ZNF618: variants seen among roughly 807,000 people sequenced by gnomAD.
The protein encoded by ZNF618 is zinc finger protein 618.
Under a neutral mutation model 103.0 loss-of-function variants are expected in ZNF618, and 34 were observed. That is an observed-to-expected ratio of 0.33 (90% CI 0.25 to 0.44). ZNF618 has a LOEUF of 0.44. Among genes scored for constraint, ZNF618 ranks in the 20% least tolerant of loss-of-function variants. The probability of loss-of-function intolerance (pLI) is 1.00; values close to 1 mark genes in which losing one functional copy is unlikely to be tolerated. For synonymous variants in ZNF618, 551 were observed against 542.2 expected (o/e 1.02, Z -0.23); for missense variants, 1,059 against 1,295.4 (o/e 0.82, Z 2.80).
At chr9:113,967,557 C>T (rs1237939676) in intron 1 of ZNF618, among the ~76,000 whole-genome samples, 1 of 152,160 alleles carries the variant, frequency 6.6e-6, no homozygotes, top group African/African-American at 2.4e-5. Context: ...TGCTCCAGAA[C>T]TGAGGATGTT....
In ZNF618 at chr9:113,951,230, T is replaced by C. The variant is rs1835537502; in HGVS notation, c.34-17887T>C. Among the ~76,000 whole-genome samples, 3 of 150,806 alleles carry C rather than the reference T, an allele frequency of 2.0e-5. No homozygotes were observed. The South Asian group carries it at 6.4e-4, about 32-fold the overall frequency. On this transcript the variant is annotated intron_variant, in intron 1 of 14. Coordinates refer to ENST00000374126, the MANE Select transcript of ZNF618 (RefSeq NM_001318042.2). ...TTAACCTCTCTGTGCTTCCCTTTCC[T>C]CATCAGATTAAAGGGAGGGTATTTA...
At chr9:114,042,093 T>C (rs1845243538) in intron 13 of ZNF618, among the ~76,000 whole-genome samples, 1 of 152,220 alleles carries the variant, frequency 6.6e-6, no homozygotes, top group African/African-American at 2.4e-5. Context: ...TTTGTTTTCA[T>C]TGGAAATTGT....
At chr9:113,937,814 A>T (rs774589680) in intron 1 of ZNF618, among the ~76,000 whole-genome samples, 29 of 152,258 alleles carry the variant, frequency 1.9e-4, no homozygotes, top group Admixed American at 1.3e-3. Context: ...TCTGATATAT[A>T]CATGGATCTG....
intron 2 of ZNF618, among the ~76,000 whole-genome samples, chr9:113,976,073 AAG>A (rs1351905192): frequency 6.6e-6 from 1 of 152,140 alleles, no homozygotes; most frequent in Non-Finnish European, 1.5e-5. Flanking sequence ...CTCTGTAAAT[AAG>A]AGAGATTCTT....
intron 14 of ZNF618, among the ~76,000 whole-genome samples, chr9:114,048,425 C>T (rs1043683275): frequency 6.6e-6 from 1 of 152,174 alleles, no homozygotes; most frequent in Non-Finnish European, 1.5e-5. Context: ...GCATACATAC[C>T]ACTACATTCT....
intron 1 of ZNF618, among the ~76,000 whole-genome samples, chr9:113,912,644 G>C (rs1320889863): frequency 1.3e-5 from 2 of 152,128 alleles, no homozygotes; most frequent in African/African-American, 4.8e-5. Context: ...AAAATCAGTG[G>C]AACGTGATGA....
At chr9:113,970,218 A>G (rs1210647971) in intron 2 of ZNF618, among the ~76,000 whole-genome samples, 1 of 151,368 alleles carries the variant, frequency 6.6e-6, no homozygotes, top group Non-Finnish European at 1.5e-5. Flanking sequence ...CTTCTTAACT[A>G]TGGGACCCCT....
At chr9:114,002,230 A>G (rs1841295059) in intron 5 of ZNF618, among the ~76,000 whole-genome samples, 157 bp downstream of exon 5, 2 of 152,130 alleles carry the variant, frequency 1.3e-5, no homozygotes, top group South Asian at 2.1e-4. Context: ...GGTGCCAGGC[A>G]GGAGAAGGGA....
rs998691066 is a variant in ZNF618, at chr9:113,969,220, C to T, written c.77+60C>T. ...CATCGACTCAGGTCTTCATGACTAACAGTTACCACTCTCTGGTCCTCATCT... is the reference window on the plus strand; with the variant it reads ...CATCGACTCAGGTCTTCATGACTAATAGTTACCACTCTCTGGTCCTCATCT... On this transcript the variant is annotated intron_variant, in intron 2 of 14. Transcript: ENST00000374126. 17 of 1,594,984 alleles carry T rather than the reference C, an allele frequency of 1.1e-5. No homozygotes were observed. In the Admixed American group the frequency reaches 1.5e-4, roughly 14 times the overall value.
chr9:114,046,970 A>T (rs532420276), intron 13 of ZNF618, among the ~76,000 whole-genome samples: 1 of 152,312 alleles, frequency 6.6e-6, no homozygotes, highest in South Asian at 2.1e-4. Flanking sequence ...TTCATAGCAG[A>T]ACAGTAATAT....
chr9:113,919,149 C>G (rs1237557926), intron 1 of ZNF618, among the ~76,000 whole-genome samples: 1 of 152,062 alleles, frequency 6.6e-6, no homozygotes, highest in African/African-American at 2.4e-5. Context: ...CAGAAAGAGC[C>G]AAGAGTGTGA....
intron 13 of ZNF618, among the ~76,000 whole-genome samples, chr9:114,041,947 C>T (rs868263180): frequency 6.6e-6 from 1 of 152,296 alleles, no homozygotes; most frequent in Middle Eastern, 3.4e-3. Flanking sequence ...AATATTGATT[C>T]TTCCTATCCA....
chr9:113,956,131 C>T (rs1836262152), intron 1 of ZNF618, among the ~76,000 whole-genome samples: 1 of 143,292 alleles, frequency 7.0e-6, no homozygotes, highest in South Asian at 2.2e-4. Context: ...ATTGCTTGAA[C>T]CCGGGAGGCA....
chr9:113,986,368 T>C (rs1839479931), intron 2 of ZNF618, among the ~76,000 whole-genome samples: 1 of 152,232 alleles, frequency 6.6e-6, no homozygotes, highest in African/African-American at 2.4e-5. Context: ...TGGCCTCCTG[T>C]ATGAGTCATC....
intron 1 of ZNF618, among the ~76,000 whole-genome samples, chr9:113,966,961 A>G (rs183868419): frequency 6.6e-6 from 1 of 152,360 alleles, no homozygotes; most frequent in Admixed American, 6.5e-5. Context: ...CATTCACTCA[A>G]TAAAAGAGAA....
intron 1 of ZNF618, among the ~76,000 whole-genome samples, chr9:113,963,977 C>A (rs1262103968): frequency 6.6e-6 from 1 of 152,196 alleles, no homozygotes; most frequent in African/African-American, 2.4e-5. Context: ...CAAATTAAAT[C>A]TAGCTGGGGG....
At chr9:114,035,672 AG>A (rs1478190298) in intron 12 of ZNF618, among the ~76,000 whole-genome samples, 1 of 150,862 alleles carries the variant, frequency 6.6e-6, no homozygotes, top group Non-Finnish European at 1.5e-5. Flanking sequence ...GTGAGTGCTA[AG>A]AGTAGAGAGC....
intron 11 of ZNF618, among the ~76,000 whole-genome samples, chr9:114,030,135 A>T (rs1288923176): frequency 6.6e-6 from 1 of 152,164 alleles, no homozygotes; most frequent in African/African-American, 2.4e-5. Flanking sequence ...AACCCAGCCG[A>T]GTGATTAAGC....
At chr9:114,046,433 C>CTA (rs750502021) in intron 13 of ZNF618, among the ~76,000 whole-genome samples, 218 of 152,332 alleles carry the variant, frequency 1.4e-3, no homozygotes, top group Non-Finnish European at 2.4e-3. Context: ...AAGCAGTAGG[C>CTA]TATACCGTAT....
Sources: gnomAD v4.1 joint callset for allele counts (sites outside exome capture counted in the v4.1 genomes callset) on GRCh38, gnomAD v4.1.1 for gene constraint, MANE v1.5 for transcripts, NCBI Gene and HGNC (gene_info 2026-07-23, HGNC 2026-07-21) for gene names.